Variants in CACNA1E observed in about 807,000 individuals in gnomAD.
The protein encoded by CACNA1E is voltage-dependent R-type calcium channel subunit alpha-1E.
CACNA1E carries 40 observed loss-of-function variants against 259.2 expected under a neutral mutation model. The observed-to-expected ratio is 0.15, with a 90% CI of 0.12 to 0.20. CACNA1E has a LOEUF of 0.20. Ranked by LOEUF, CACNA1E falls within the 10% of genes least tolerant of loss-of-function variation. The pLI is 1.00. For synonymous variants in CACNA1E, 1,104 were observed against 1,138.5 expected (o/e 0.97, Z 0.61); for missense variants, 1,874 against 3,040.1 (o/e 0.62, Z 9.02).
intron 7 of CACNA1E, among the ~76,000 whole-genome samples, chr1:181,666,947 C>A (rs918705524): frequency 3.8e-4 from 57 of 151,848 alleles, no homozygotes; most frequent in African/African-American, 1.4e-3. Context: ...AAAATTAAAT[C>A]ATAAAAGGAT....
chr1:181,632,987 T>G (rs959342397), intron 6 of CACNA1E, among the ~76,000 whole-genome samples: 3 of 152,222 alleles, frequency 2.0e-5, no homozygotes, highest in African/African-American at 7.2e-5. Context: ...TACTTTTTAT[T>G]AGCACCCTGT....
Position 181,802,832 on chromosome 1 carries a change from C to T in CACNA1E, c.*3998C>T, listed in dbSNP as rs1662374229. On this transcript the variant is annotated 3_prime_UTR_variant, in exon 48 of 48. Transcript: ENST00000367573. ...TCATTACATCCTACTTCTCAGCCCT[C>T]TGGATGTTTCATTTTTTTGGACAAA... 6.6e-6 allele frequency: 1 copy of T among 152,172 alleles called. No individual in the cohort carries two copies. The highest frequency in any genetic ancestry group is 2.1e-4 in the South Asian group (1 of 4,822). 9.4% of individuals were successfully genotyped at this position (152,172 alleles called of 1,614,324 possible). A position where few individuals can be genotyped will look rare whatever the true frequency, so the allele number is the denominator to read the frequency against.
chr1:181,335,946 A>G (rs1651679229), intron 1 of CACNA1E, among the ~76,000 whole-genome samples: 1 of 152,206 alleles, frequency 6.6e-6, no homozygotes, highest in Non-Finnish European at 1.5e-5. Flanking sequence ...TCATAGTCCA[A>G]CTTCTGAGTT....
At chr1:181,601,798 A>G (rs1653772243) in intron 6 of CACNA1E, among the ~76,000 whole-genome samples, 2 of 152,152 alleles carry the variant, frequency 1.3e-5, no homozygotes, top group Admixed American at 1.3e-4. Context: ...AGAACCCTCC[A>G]GTAGCTCCTC....
Position 181,798,958 on chromosome 1 carries a change from T to G in CACNA1E, c.*124T>G. ...AGGAAGATGGAAGGACACCATGCAT[T>G]ATCAGAGAAGAGGAAGTAAAGGACA... On this transcript the variant is annotated 3_prime_UTR_variant, in exon 48 of 48. Coordinates refer to ENST00000367573, the MANE Select transcript of CACNA1E (RefSeq NM_001205293.3). This position sits in a 1 kb window ranked among gnomAD's most constrained non-coding sequence, Gnocchi z 4.2. The G allele has an allele frequency of 2.4e-6, 2 of 827,500 alleles. No individual in the cohort carries two copies. Among genetic ancestry groups the G allele is most frequent in the Non-Finnish European group, 3.5e-6 (2 of 567,482 alleles). 51.3% of individuals were successfully genotyped at this position (827,500 alleles called of 1,614,324 possible). A position where few individuals can be genotyped will look rare whatever the true frequency, so the allele number is the denominator to read the frequency against.
intron 3 of CACNA1E, among the ~76,000 whole-genome samples, chr1:181,555,931 C>G (rs571382575): frequency 2.8e-4 from 42 of 152,288 alleles, no homozygotes; most frequent in African/African-American, 8.7e-4. Flanking sequence ...AAAAGCTTCC[C>G]CCATCTTTAT....
At chr1:181,746,095 GGT>G (rs1387352640) in intron 25 of CACNA1E, among the ~76,000 whole-genome samples, 3 of 152,168 alleles carry the variant, frequency 2.0e-5, no homozygotes, top group Non-Finnish European at 2.9e-5. Flanking sequence ...ATGGATTGAG[GGT>G]TCGAGGGTGA....
At chr1:181,786,941 A>G (rs939610952) in intron 43 of CACNA1E, among the ~76,000 whole-genome samples, 6 of 152,272 alleles carry the variant, frequency 3.9e-5, no homozygotes, top group East Asian at 1.9e-4. Flanking sequence ...AAAGGATGAG[A>G]GTCATGACCA....
chr1:181,753,653 CTT>C lies in CACNA1E; in HGVS notation c.3828+1415_3828+1416del, dbSNP rs964932405. On this transcript the variant is annotated intron_variant, in intron 27 of 47. Coordinates refer to ENST00000367573, the MANE Select transcript of CACNA1E (RefSeq NM_001205293.3). ...CGGAGGACACAGCTTGGGGAGGGCT[CTT>C]GTGCACTTGGCTCTCCCTTGCTTCT... 3.3e-5 allele frequency among the ~76,000 whole-genome samples: 5 copies of C among 152,274 alleles called. No individual in the cohort carries two copies. In the East Asian group the frequency reaches 9.6e-4, roughly 29 times the overall value.
chr1:181,445,574 C>A (rs1266064173), intron 2 of CACNA1E, among the ~76,000 whole-genome samples: 1 of 152,232 alleles, frequency 6.6e-6, no homozygotes, highest in African/African-American at 2.4e-5. Flanking sequence ...AACTTCATGT[C>A]TTTGCTGCAT....
At chr1:181,717,337 G>T in intron 11 of CACNA1E, 35 bp downstream of exon 11, 1 of 1,564,532 alleles carries the variant, frequency 6.4e-7, no homozygotes, top group Non-Finnish European at 8.8e-7. Context: ...CTCCTCTGCT[G>T]GTCCCCATGT....
chr1:181,757,852 C>T (rs1173030155), intron 30 of CACNA1E, 95 bp from the exon 31 acceptor site: 1 of 1,369,146 alleles, frequency 7.3e-7, no homozygotes, highest in Non-Finnish European at 1.0e-6. Context: ...CCCTTTTTCC[C>T]ATTCACCGTC....
rs2102723454 is a variant in CACNA1E at position 181,763,479 on chromosome 1, G to A, written c.4763G>A (p.Arg1588His). 1.2e-6 allele frequency: 2 copies of A among 1,606,648 alleles called. No homozygotes were observed. Among genetic ancestry groups the A allele is most frequent in the Non-Finnish European group, 1.7e-6 (2 of 1,173,958 alleles). Residue 1588 changes from arginine to histidine, a missense_variant, in exon 34 of 48, where the codon CGT becomes CAT. Physicochemically the swap from Arg to His is conservative, Grantham distance 29. Around this residue, in one of 14 missense-constraint regions of CACNA1E, gnomAD observed 188 missense variants for 540.6 expected, o/e 0.35. Transcript: ENST00000367573. ...GCTGCCCGCCTCATAAAGCTCCTGC[G>A]TCAGGGCTATACCATACGCATTTTG... Reference protein sequence around the residue: ...FRAARLIKLLRQGYTIRILLW... With the variant: ...FRAARLIKLLHQGYTIRILLW...
At chr1:181,738,016 A>C (rs976646968) in intron 23 of CACNA1E, among the ~76,000 whole-genome samples, 1 of 152,188 alleles carries the variant, frequency 6.6e-6, no homozygotes, top group Non-Finnish European at 1.5e-5. Flanking sequence ...GTCAGGAGAC[A>C]TGAGGGACGC....
intron 1 of CACNA1E, among the ~76,000 whole-genome samples, chr1:181,352,792 C>CA (rs891957266): frequency 6.6e-6 from 1 of 152,112 alleles, no homozygotes; most frequent in African/African-American, 2.4e-5. Context: ...GGGACTGTGC[C>CA]AGTGTCTCTT....
chr1:181,388,674 A>C (rs1656034262), intron 1 of CACNA1E, among the ~76,000 whole-genome samples: 1 of 152,144 alleles, frequency 6.6e-6, no homozygotes, highest in African/African-American at 2.4e-5. Flanking sequence ...GGATCACCTG[A>C]GGTCGGGAGT....
chr1:181,512,611 A>G (rs1448872249), intron 3 of CACNA1E, among the ~76,000 whole-genome samples: 8 of 152,220 alleles, frequency 5.3e-5, no homozygotes, highest in Non-Finnish European at 1.5e-5. Context: ...TGTCATGTGG[A>G]ATAGACAAAA....
Position 181,483,634 on chromosome 1 carries a change from G to A in CACNA1E, c.-111G>A, listed in dbSNP as rs1281487389. The A allele has an allele frequency of 3.0e-6, 2 of 672,140 alleles. No homozygotes were observed. Among genetic ancestry groups the A allele is most frequent in the East Asian group, 3.0e-5 (1 of 33,240 alleles). The allele number at this position is 672,140 out of a possible 1,614,324, so 41.6% of individuals were successfully genotyped here. On this transcript the variant is annotated 5_prime_UTR_variant, in exon 1 of 48. It adds an upstream start codon to the 5' untranslated region. Transcript: ENST00000367573. ...GAGCTCCCCAGAGGCGGTGGTCCCC[G>A]TGCTTGTCTGGATGCGGCTCTGAGT...
chr1:181,707,221 T>TC, intron 7 of CACNA1E, among the ~76,000 whole-genome samples: 1 of 152,190 alleles, frequency 6.6e-6, no homozygotes, highest in East Asian at 1.9e-4. Context: ...ATAAAGAAGG[T>TC]CCCCCACATC....
Sources: allele counts gnomAD v4.1 joint callset (sites outside exome capture counted in the v4.1 genomes callset), GRCh38; gene constraint gnomAD v4.1.1; regional missense constraint gnomAD v4.1.1; non-coding constraint Gnocchi (gnomAD v3.1); transcripts MANE v1.5; gene names NCBI Gene and HGNC (gene_info 2026-07-23, HGNC 2026-07-21).